The following DCAF1 variants were observed in gnomAD, a reference collection of about 807,000 sequenced individuals.
The protein encoded by DCAF1 is DDB1 and CUL4 associated factor 1.
Under a neutral mutation model 128.0 loss-of-function variants are expected in DCAF1, and 15 were observed. That is an observed-to-expected ratio of 0.12 (90% CI 0.08 to 0.18). The LOEUF (loss-of-function observed/expected upper bound fraction) is 0.18. DCAF1 is among the 10% of genes least tolerant of loss of function. The probability of loss-of-function intolerance (pLI) is 1.00; values close to 1 mark genes in which losing one functional copy is unlikely to be tolerated. For synonymous variants in DCAF1, 610 were observed against 603.0 expected (o/e 1.01, Z -0.17); for missense variants, 988 against 1,649.5 (o/e 0.60, Z 6.95).
intron 13 of DCAF1, 93 bp downstream of exon 13, chr3:51,427,279 A>T: frequency 1.7e-6 from 1 of 577,408 alleles, no homozygotes; most frequent in Non-Finnish European, 3.2e-6. Context: ...TCAATTCAAC[A>T]AATGTTTGTT....
At chr3:51,458,703 T>C (rs1270880733) in intron 6 of DCAF1, among the ~76,000 whole-genome samples, 16 of 152,094 alleles carry the variant, frequency 1.1e-4, no homozygotes, top group African/African-American at 3.4e-4. Context: ...ACAGAAATTA[T>C]AACAAACTGT....
intron 17 of DCAF1, among the ~76,000 whole-genome samples, chr3:51,417,135 G>C (rs576489885): frequency 6.6e-6 from 1 of 152,264 alleles, no homozygotes; most frequent in African/African-American, 2.4e-5. Flanking sequence ...CGCAGCAAAG[G>C]GGCCAGGCAT....
chr3:51,458,000 A>G (rs1703114490), intron 6 of DCAF1, among the ~76,000 whole-genome samples: 1 of 152,244 alleles, frequency 6.6e-6, no homozygotes, highest in Non-Finnish European at 1.5e-5. Context: ...AAGAAACTGC[A>G]TCAACTATCG....
intron 7 of DCAF1, among the ~76,000 whole-genome samples, chr3:51,443,064 A>G (rs1471272857): frequency 6.6e-6 from 1 of 152,148 alleles, no homozygotes; most frequent in African/African-American, 2.4e-5. Context: ...GAAGTACCCC[A>G]GAACTTAAAA....
chr3:51,483,708 G>A lies in DCAF1; in HGVS notation c.110+11C>T. The stretch of plus-strand genomic sequence containing the variant: ...TTTTATTAAACTAGGTTTTAAAAAA[G>A]TTATTCATACCTGGTAAGGATAGGT... On this transcript the variant is annotated intron_variant, in intron 3 of 24. Transcript: ENST00000684031. 6.3e-7 allele frequency: 1 copy of A among 1,599,932 alleles called. No individual in the cohort carries two copies. The highest frequency in any genetic ancestry group is 8.5e-7 in the Non-Finnish European group (1 of 1,169,874).
intron 4 of DCAF1, among the ~76,000 whole-genome samples, chr3:51,467,227 G>A (rs576917800): frequency 6.6e-6 from 1 of 152,228 alleles, no homozygotes; most frequent in South Asian, 2.1e-4. Flanking sequence ...ATCTACTCGG[G>A]AGGCTGAGGC....
chr3:51,476,869 G>A (rs974506604), intron 3 of DCAF1, among the ~76,000 whole-genome samples: 4 of 151,156 alleles, frequency 2.6e-5, no homozygotes, highest in South Asian at 4.2e-4. Flanking sequence ...AGCAGACTCC[G>A]TCTCAAAAAA....
At chr3:51,466,265 G>C (rs1553646449) in intron 5 of DCAF1, among the ~76,000 whole-genome samples, 1 of 152,166 alleles carries the variant, frequency 6.6e-6, no homozygotes, top group Non-Finnish European at 1.5e-5. Flanking sequence ...AAGTCTGTCA[G>C]TGAACTATGG....
At chr3:51,399,861 C>T (rs1438049701) in intron 24 of DCAF1, among the ~76,000 whole-genome samples, 1 of 152,126 alleles carries the variant, frequency 6.6e-6, no homozygotes, top group African/African-American at 2.4e-5. Context: ...CCTGCAAATG[C>T]CCCATGTGGT....
At chr3:51,456,216 C>T (rs569924483) in intron 6 of DCAF1, among the ~76,000 whole-genome samples, 55 of 152,212 alleles carry the variant, frequency 3.6e-4, no homozygotes, top group Non-Finnish European at 6.6e-4. Context: ...CCTAATACTG[C>T]GCTTTTCCAA....
chr3:51,399,589 T>C (rs1055839443), intron 24 of DCAF1, among the ~76,000 whole-genome samples: 3 of 152,146 alleles, frequency 2.0e-5, no homozygotes, highest in Admixed American at 1.3e-4. Context: ...TGGAAGGATC[T>C]GTTAAGGGGT....
At chr3:51,466,708 A>G in intron 5 of DCAF1, 95 bp downstream of exon 5, 1 of 1,214,016 alleles carries the variant, frequency 8.2e-7, no homozygotes, top group Non-Finnish European at 1.2e-6. Context: ...AACTTTGTCA[A>G]GGCCTTAGGA....
intron 3 of DCAF1, among the ~76,000 whole-genome samples, chr3:51,473,525 A>G (rs1436045363): frequency 1.4e-5 from 2 of 145,222 alleles, no homozygotes; most frequent in African/African-American, 2.5e-5. Context: ...ACCAAAAACC[A>G]GAAAAAAAAA....
intron 2 of DCAF1, among the ~76,000 whole-genome samples, chr3:51,495,729 T>G (rs782289557): frequency 2.0e-5 from 3 of 151,884 alleles, no homozygotes; most frequent in Non-Finnish European, 2.9e-5. Context: ...CCTGCCTCTA[T>G]GAAAAAAATT....
In DCAF1 at chr3:51,402,490, G is replaced by A. The variant is rs193201252; in HGVS notation, c.4465+653C>T. 6.9e-4 allele frequency among the ~76,000 whole-genome samples: 104 copies of A among 150,534 alleles called. 1 individual carries two copies. In the South Asian group the frequency reaches 9.9e-3, roughly 14 times the overall value. On this transcript the variant is annotated intron_variant, in intron 24 of 24. Transcript: ENST00000684031. ...AACACAGCCACAATCATTCATTTAC[G>A]GATTGTCTATGACTGCTTTCTCACT...
chr3:51,429,165 T>C (rs1297639381), intron 12 of DCAF1, 96 bp downstream of exon 12: 16 of 690,122 alleles, frequency 2.3e-5, no homozygotes, highest in Middle Eastern at 3.8e-4. Context: ...ACAATGGACA[T>C]AGCACAGAGT....
In DCAF1 at chr3:51,490,848, C is replaced by T. The variant is rs141261485; in HGVS notation, c.-9+5886G>A. Among the ~76,000 whole-genome samples, 60 of 152,206 alleles carry T rather than the reference C, an allele frequency of 3.9e-4. 2 individuals carry two copies. Among genetic ancestry groups the T allele is most frequent in the African/African-American group, 1.4e-3 (57 of 41,536 alleles). ...GAATGAGGCAAGAGAACCACTTGAA[C>T]CCAAGAGGCAGAGGTTGCAGTAAGC... On this transcript the variant is annotated intron_variant, in intron 2 of 24. Transcript: ENST00000684031.
chr3:51,460,994 G>C (rs1381311957), intron 6 of DCAF1, among the ~76,000 whole-genome samples: 4 of 152,134 alleles, frequency 2.6e-5, no homozygotes, highest in Non-Finnish European at 5.9e-5. Context: ...TCAGGACACA[G>C]GCATGGGCAA....
At chr3:51,445,147 T>G (rs1553639958) in intron 6 of DCAF1, among the ~76,000 whole-genome samples, 1 of 152,182 alleles carries the variant, frequency 6.6e-6, no homozygotes, top group East Asian at 1.9e-4. Flanking sequence ...CATTAAATTT[T>G]TTTTACCTTT....
Sources: allele counts gnomAD v4.1 joint callset (sites outside exome capture counted in the v4.1 genomes callset), GRCh38; gene constraint gnomAD v4.1.1; transcripts MANE v1.5; gene names NCBI Gene and HGNC (gene_info 2026-07-23, HGNC 2026-07-21).